Variants in CSMD1 observed in about 807,000 individuals in gnomAD.
CSMD1 encodes the protein CUB and sushi domain-containing protein 1.
In CSMD1, 213 loss-of-function variants were observed where a neutral mutation model predicts 417.5. That is an observed-to-expected ratio of 0.51 (90% CI 0.46 to 0.57). The LOEUF (loss-of-function observed/expected upper bound fraction) is 0.57. Ranked by LOEUF, CSMD1 falls within the 20% of genes least tolerant of loss-of-function variation. The pLI, the probability that CSMD1 is intolerant of heterozygous loss-of-function variation, is 0.00. For synonymous variants in CSMD1, 2,862 were observed against 1,736.8 expected, an observed-to-expected ratio of 1.65 and a Z score of -16.11; for missense variants, 6,923 against 4,529.7, an observed-to-expected ratio of 1.53 and a Z score of -15.17.
intron 1 of CSMD1, among the ~76,000 whole-genome samples, chr8:4,758,413 G>A (rs528472499): frequency 1.3e-4 from 20 of 152,230 alleles, no homozygotes; most frequent in African/African-American, 4.3e-4. Context: ...GCCATAGATT[G>A]TAGAACACAA....
intron 1 of CSMD1, among the ~76,000 whole-genome samples, chr8:4,823,637 T>A (rs1799644912): frequency 6.6e-6 from 1 of 152,024 alleles, no homozygotes; most frequent in African/African-American, 2.4e-5. Context: ...CACATAGCCT[T>A]TAGAAAGAAT....
At position 4,224,168 on chromosome 8, in the gene CSMD1, A is replaced by G. The variant is rs993318958; in HGVS notation, c.416-192069T>C. On this transcript the variant is annotated intron_variant, in intron 3 of 69. Coordinates refer to ENST00000635120, the MANE Select transcript of CSMD1 (RefSeq NM_033225.6). Reference sequence around the variant, plus strand: ...TGTTTCGCTTACTACACATAATCACAAAACTATAGACAAGTGAAAGTTATG... The same window carrying G: ...TGTTTCGCTTACTACACATAATCACGAAACTATAGACAAGTGAAAGTTATG... Among the ~76,000 whole-genome samples the G allele has an allele frequency of 5.3e-5, 8 of 152,298 alleles. No individual in the cohort carries two copies. The East Asian group carries it at 1.2e-3, about 22-fold the overall frequency.
At position 4,486,146 on chromosome 8, in the gene CSMD1, T is replaced by C. The variant is rs866316598; in HGVS notation, c.303-66081A>G. On this transcript the variant is annotated intron_variant, in intron 2 of 69. Transcript: ENST00000635120. ...ACATATATATATATATACATACATATATATATATATACATACATATATATA... is the reference window on the plus strand; with the variant it reads ...ACATATATATATATATACATACATACATATATATATACATACATATATATA... 3.4e-3 allele frequency among the ~76,000 whole-genome samples: 81 copies of C among 24,168 alleles called. 2 individuals carry two copies. The highest frequency in any genetic ancestry group is 6.9e-3 in the African/African-American group (46 of 6,662). The allele number at this position is 24,168 out of a possible 152,430, so 15.9% of individuals were successfully genotyped here.
intron 2 of CSMD1, among the ~76,000 whole-genome samples, chr8:4,633,902 G>A (rs921360011): frequency 6.6e-6 from 1 of 151,800 alleles, no homozygotes; most frequent in Non-Finnish European, 1.5e-5. Context: ...TTTGGTGACT[G>A]CATGGTTGGA....
rs1002837840 is a variant in CSMD1, at chr8:3,750,630, A to G, written c.931+3300T>C. Among the ~76,000 whole-genome samples, 20 of 152,160 alleles carry G rather than the reference A, an allele frequency of 1.3e-4. 1 individual carries two copies. The highest frequency in any genetic ancestry group is 6.5e-4 in the Admixed American group (10 of 15,274). On this transcript the variant is annotated intron_variant, in intron 6 of 69. Coordinates refer to ENST00000635120, the MANE Select transcript of CSMD1 (RefSeq NM_033225.6). ...GCTTTTTAATCTCGGTATAGACAAG[A>G]GGGAAGATTCAGCTGAACAAATGTT... is the stretch of plus-strand genomic sequence containing the variant.
At chr8:4,414,600 T>A (rs530916729) in intron 3 of CSMD1, among the ~76,000 whole-genome samples, 2 of 152,256 alleles carry the variant, frequency 1.3e-5, no homozygotes, top group Admixed American at 1.3e-4. Flanking sequence ...ATTCAGTGAT[T>A]TTTTTTAAAC....
rs1285925933 is a variant in CSMD1 at position 3,309,015 on chromosome 8, C to T, written c.3632-512G>A. ...CTGGGATTACAGGCGTGAGCCACTG[C>T]GCCCGGCCCCTCAAGCTCTTGTTTT... On this transcript the variant is annotated intron_variant, in intron 23 of 69. Transcript: ENST00000635120. 6.6e-5 allele frequency among the ~76,000 whole-genome samples: 10 copies of T among 152,222 alleles called. No individual in the cohort carries two copies. The East Asian group carries it at 7.7e-4, about 12-fold the overall frequency.
chr8:2,940,921 C>G (rs895441327), intron 69 of CSMD1, among the ~76,000 whole-genome samples: 2 of 152,056 alleles, frequency 1.3e-5, no homozygotes, highest in Non-Finnish European at 2.9e-5. Context: ...TTATATGACC[C>G]AGAGGAACCC....
intron 5 of CSMD1, among the ~76,000 whole-genome samples, chr8:3,982,905 A>T (rs1813993731): frequency 6.6e-6 from 1 of 152,182 alleles, no homozygotes; most frequent in African/African-American, 2.4e-5. Context: ...CCTTTACAAT[A>T]ACTTTGAAAA....
intron 2 of CSMD1, among the ~76,000 whole-genome samples, chr8:4,585,227 C>T (rs916611307): frequency 3.9e-5 from 6 of 152,088 alleles, no homozygotes; most frequent in African/African-American, 1.2e-4. Flanking sequence ...AGAACATCAG[C>T]AGAGAACTGC....
chr8:3,165,861 G>C (rs541296794), intron 37 of CSMD1, among the ~76,000 whole-genome samples: 2 of 152,114 alleles, frequency 1.3e-5, no homozygotes, highest in African/African-American at 2.4e-5. Flanking sequence ...CCTTCTGAGA[G>C]AGAAATCAAC....
intron 48 of CSMD1, 50 bp from the exon 49 acceptor site, chr8:3,087,335 G>T (rs1474246384): frequency 6.3e-7 from 1 of 1,576,886 alleles, no homozygotes; most frequent in South Asian, 1.1e-5. Flanking sequence ...CAAACAAATG[G>T]CCAGTGCCAT....
intron 26 of CSMD1, among the ~76,000 whole-genome samples, chr8:3,268,787 T>A (rs149984938): frequency 6.6e-6 from 1 of 152,134 alleles, no homozygotes; most frequent in Admixed American, 6.5e-5. Flanking sequence ...TTGAGACTTA[T>A]CAGAAAATTT....
intron 8 of CSMD1, among the ~76,000 whole-genome samples, chr8:3,609,925 C>G (rs1470843123): frequency 1.3e-5 from 2 of 148,948 alleles, no homozygotes; most frequent in African/African-American, 2.5e-5. Context: ...CCTCAGCCTC[C>G]CAAGTAGCTG....
At chr8:3,648,283 T>G (rs986882828) in intron 7 of CSMD1, among the ~76,000 whole-genome samples, 2 of 152,268 alleles carry the variant, frequency 1.3e-5, no homozygotes, top group South Asian at 4.1e-4. Flanking sequence ...TAGAGTAATA[T>G]ATTTCAAATC....
chr8:3,918,322 A>T (rs896911604), intron 5 of CSMD1, among the ~76,000 whole-genome samples: 1 of 152,102 alleles, frequency 6.6e-6, no homozygotes. Context: ...TCCTACCACC[A>T]GTGTACAGAG....
rs1232594964 is a variant in CSMD1, at chr8:3,073,592, TAGAG to T, written c.7474+13501_7474+13504del. ...AAAATAAATCAATTTTAACAGAAAA[TAGAG>T]AGGACTTTTCTAGGCCACAGTTCAT... On this transcript the variant is annotated intron_variant, in intron 49 of 69. Transcript: ENST00000635120. Among the ~76,000 whole-genome samples, 8 of 152,068 alleles carry T rather than the reference TAGAG, an allele frequency of 5.3e-5. No individual in the cohort carries two copies. In the East Asian group the frequency reaches 7.7e-4, roughly 15 times the overall value.
At chr8:4,447,821 C>A (rs149071638) in intron 2 of CSMD1, among the ~76,000 whole-genome samples, 23 of 152,214 alleles carry the variant, frequency 1.5e-4, no homozygotes, top group African/African-American at 4.8e-4. Flanking sequence ...GAAGTCACAA[C>A]GTTTCAAAGA....
At chr8:3,584,401 C>A (rs958402368) in intron 9 of CSMD1, among the ~76,000 whole-genome samples, 1 of 152,128 alleles carries the variant, frequency 6.6e-6, no homozygotes, top group East Asian at 1.9e-4. Flanking sequence ...CTTGAATTGA[C>A]GAGAACAGGA....
Sources: gnomAD v4.1 joint callset for allele counts (sites outside exome capture counted in the v4.1 genomes callset) on GRCh38, gnomAD v4.1.1 for gene constraint, MANE v1.5 for transcripts, NCBI Gene and HGNC (gene_info 2026-07-23, HGNC 2026-07-21) for gene names.